The following PKN2 variants were observed in gnomAD, a reference collection of about 807,000 sequenced individuals.
The protein encoded by PKN2 is protein kinase N2.
In PKN2, 38 loss-of-function variants were observed where a neutral mutation model predicts 119.1. That is an observed-to-expected ratio of 0.32 (90% CI 0.25 to 0.42). The LOEUF is 0.42. Among genes scored for constraint, PKN2 ranks in the 10% least tolerant of loss-of-function variants. The pLI is 1.00. For synonymous variants in PKN2, 390 were observed against 384.9 expected, an observed-to-expected ratio of 1.01 and a Z score of -0.15; for missense variants, 850 against 1,165.1, an observed-to-expected ratio of 0.73 and a Z score of 3.94.
In PKN2 at chr1:88,807,564, T is replaced by C. The variant is rs376189560; in HGVS notation, c.1970T>C (p.Phe657Ser). 6.2e-7 allele frequency: 1 copy of C among 1,612,796 alleles called. No homozygotes were observed. Among genetic ancestry groups the C allele is most frequent in the African/African-American group, 1.3e-5 (1 of 75,024 alleles). Residue 657 changes from phenylalanine to serine, a missense_variant, in exon 14 of 22, where the codon TTC becomes TCC. Coordinates refer to ENST00000370521, the MANE Select transcript of PKN2 (RefSeq NM_006256.4). ...QQRFQFNLQD[F>S]RCCAVLGRGH... ...AGGTTTCAGTTTAATCTACAAGATT[T>C]CAGGTGTTGTGCTGTCTTGGGAAGA...
At chr1:88,735,308 G>A (rs966143644) in intron 1 of PKN2, among the ~76,000 whole-genome samples, 11 of 151,824 alleles carry the variant, frequency 7.2e-5, no homozygotes, top group East Asian at 1.9e-4. Context: ...ACAGCCACAC[G>A]CCACCACACC....
At chr1:88,798,517 A>G (rs961344813) in intron 8 of PKN2, among the ~76,000 whole-genome samples, 1 of 152,178 alleles carries the variant, frequency 6.6e-6, no homozygotes, top group Admixed American at 6.5e-5. Flanking sequence ...AAGTAGAACT[A>G]AAAAATAGGA....
chr1:88,695,325 G>A (rs1040224874), intron 1 of PKN2, among the ~76,000 whole-genome samples: 4 of 151,946 alleles, frequency 2.6e-5, no homozygotes, highest in Non-Finnish European at 5.9e-5. Flanking sequence ...ATAAATTCTT[G>A]CCAGTTAGAG....
At chr1:88,740,149 T>C (rs1668522371) in intron 1 of PKN2, among the ~76,000 whole-genome samples, 1 of 152,186 alleles carries the variant, frequency 6.6e-6, no homozygotes, top group East Asian at 1.9e-4. Context: ...CCGTTTTATA[T>C]AAGTGACTTG....
In PKN2 at chr1:88,786,264, G is replaced by T. The variant is rs749922899; in HGVS notation, c.1281+51G>T. The stretch of plus-strand genomic sequence containing the variant: ...ATTTTAATTATAATTCATTTTAAAT[G>T]TGAGTTATATTTTTTAGAAGGCTTC... On this transcript the variant is annotated intron_variant, in intron 8 of 21. Coordinates refer to ENST00000370521, the MANE Select transcript of PKN2 (RefSeq NM_006256.4). 9 of 940,868 alleles carry T rather than the reference G, an allele frequency of 9.6e-6. No homozygotes were observed. The Admixed American group carries it at 1.9e-4, about 20-fold the overall frequency. The allele number at this position is 940,868 out of a possible 1,614,324, so 58.3% of individuals were successfully genotyped here.
At chr1:88,819,129 T>G (rs764385964) in intron 16 of PKN2, among the ~76,000 whole-genome samples, 2 of 152,172 alleles carry the variant, frequency 1.3e-5, no homozygotes, top group Non-Finnish European at 2.9e-5. Context: ...GGCAAAGACT[T>G]CATGACTAAA....
rs544434275 is a variant in PKN2 at position 88,704,398 on chromosome 1, G to T, written c.48+19770G>T. On this transcript the variant is annotated intron_variant, in intron 1 of 21. Transcript: ENST00000370521. ...CATAATTTATCTTTACCTGTTGATG[G>T]ATATTTGGGTTATCACCAGGTTTGA... Among the ~76,000 whole-genome samples the T allele has an allele frequency of 4.7e-4, 72 of 152,204 alleles. No homozygotes were observed. The South Asian group carries it at 7.5e-3, about 16-fold the overall frequency.
intron 1 of PKN2, among the ~76,000 whole-genome samples, chr1:88,705,254 C>G (rs537990303): frequency 6.6e-6 from 1 of 151,460 alleles, no homozygotes; most frequent in Non-Finnish European, 1.5e-5. Flanking sequence ...TAAAGCTATT[C>G]TCCTGTTTTC....
chr1:88,687,617 T>C (rs1166042630), intron 1 of PKN2, among the ~76,000 whole-genome samples: 1 of 152,210 alleles, frequency 6.6e-6, no homozygotes, highest in Non-Finnish European at 1.5e-5. Flanking sequence ...TGGAGATTCA[T>C]TTTCTTCATC....
chr1:88,701,588 A>G (rs943219141), intron 1 of PKN2, among the ~76,000 whole-genome samples: 1 of 152,214 alleles, frequency 6.6e-6, no homozygotes, highest in Non-Finnish European at 1.5e-5. Context: ...TGACTTCTTA[A>G]AAGAGCTCCA....
At chr1:88,690,010 T>C (rs939303692) in intron 1 of PKN2, among the ~76,000 whole-genome samples, 1 of 152,246 alleles carries the variant, frequency 6.6e-6, no homozygotes, top group African/African-American at 2.4e-5. Context: ...CAAATATTTC[T>C]TGACTACCAA....
Position 88,755,998 on chromosome 1 carries a change from C to T in PKN2, c.350-4224C>T, listed in dbSNP as rs997263476. Among the ~76,000 whole-genome samples, 15 of 151,804 alleles carry T rather than the reference C, an allele frequency of 9.9e-5. No homozygotes were observed. In the South Asian group the frequency reaches 1.3e-3, roughly 13 times the overall value. On this transcript the variant is annotated intron_variant, in intron 2 of 21. Coordinates refer to ENST00000370521, the MANE Select transcript of PKN2 (RefSeq NM_006256.4). ...CGCAATCTCCGCTCACAGCAACCTCCACCTCCTGGGTTCAAGCAATTCTCC... is the reference window on the plus strand; with the variant it reads ...CGCAATCTCCGCTCACAGCAACCTCTACCTCCTGGGTTCAAGCAATTCTCC...
At chr1:88,805,224 A>G (rs1671489076) in intron 10 of PKN2, among the ~76,000 whole-genome samples, 1 of 152,248 alleles carries the variant, frequency 6.6e-6, no homozygotes, top group Non-Finnish European at 1.5e-5. Context: ...CATAATTATT[A>G]TAATTTATAT....
At chr1:88,716,692 GTA>G (rs903768614) in intron 1 of PKN2, among the ~76,000 whole-genome samples, 137 of 152,098 alleles carry the variant, frequency 9.0e-4, no homozygotes, top group African/African-American at 3.1e-3. Flanking sequence ...GTGTGTCTCT[GTA>G]CATGAGATGG....
At chr1:88,684,937 C>T in intron 1 of PKN2, 2 of 321,680 alleles carry the variant, frequency 6.2e-6, no homozygotes, top group Non-Finnish European at 1.1e-5. Flanking sequence ...GAGGCCGGCC[C>T]GTCGCCCCCT....
At chr1:88,803,541 A>G (rs1671417705) in intron 8 of PKN2, among the ~76,000 whole-genome samples, 1 of 152,222 alleles carries the variant, frequency 6.6e-6, no homozygotes, top group Non-Finnish European at 1.5e-5. Flanking sequence ...GTTAAAACAT[A>G]TAGGTAGAGG....
rs1169444709 is a variant in PKN2 at position 88,804,501 on chromosome 1, C to G, written c.1392C>G (p.Leu464=). 1 of 1,613,166 alleles carries G rather than the reference C, an allele frequency of 6.2e-7. No homozygotes were observed. Among genetic ancestry groups the G allele is most frequent in the Admixed American group, 1.7e-5 (1 of 59,942 alleles). ...FLDNQRHGMC[L]YLEPQGTLFA... is the part of the protein sequence containing the mutation. ...ACAACCAACGGCATGGCATGTGTCT[C>G]TATTTGGAACCACAGGGTACTTTAT... is the stretch of plus-strand genomic sequence containing the variant. The change falls in exon 9 of 22, where the codon CTC becomes CTG. Residue 464 remains leucine (L), a synonymous_variant. Coordinates refer to ENST00000370521, the MANE Select transcript of PKN2 (RefSeq NM_006256.4).
intron 15 of PKN2, among the ~76,000 whole-genome samples, chr1:88,808,307 A>T: frequency 6.6e-6 from 1 of 150,712 alleles, no homozygotes. Context: ...TTTTTTGTTT[A>T]TTTATTTATT....
intron 1 of PKN2, among the ~76,000 whole-genome samples, chr1:88,719,925 G>A (rs1667601518): frequency 6.6e-6 from 1 of 152,076 alleles, no homozygotes; most frequent in African/African-American, 2.4e-5. Flanking sequence ...AATTCTTTGA[G>A]GTAAGAAAAA....
Sources: allele counts gnomAD v4.1 joint callset (sites outside exome capture counted in the v4.1 genomes callset), GRCh38; gene constraint gnomAD v4.1.1; transcripts MANE v1.5; gene names NCBI Gene and HGNC (gene_info 2026-07-23, HGNC 2026-07-21).